SCN1A: variants seen among roughly 807,000 people sequenced by gnomAD.
The protein encoded by SCN1A is sodium channel protein type 1 subunit alpha.
Under a neutral mutation model 193.7 loss-of-function variants are expected in SCN1A, and 13 were observed. The observed-to-expected ratio is 0.07, with a 90% confidence interval of 0.04 to 0.11. SCN1A has a LOEUF of 0.11. SCN1A is among the 10% of genes least tolerant of loss of function. The pLI is 1.00. For synonymous variants in SCN1A, 781 were observed against 843.6 expected, an observed-to-expected ratio of 0.93 and a Z score of 1.29; for missense variants, 1,432 against 2,451.1, an observed-to-expected ratio of 0.58 and a Z score of 8.78.
chr2:166,047,823 G>A, intron 10 of SCN1A, 55 bp from the exon 11 acceptor site: 1 of 1,608,742 alleles, frequency 6.2e-7, no homozygotes, highest in South Asian at 1.1e-5. Context: ...TTTTTACTCT[G>A]ATACTATGCT....
intron 19 of SCN1A, among the ~76,000 whole-genome samples, chr2:166,026,679 C>CTTTCT (rs1694810077): frequency 3.1e-5 from 3 of 97,712 alleles, no homozygotes; most frequent in African/African-American, 9.1e-5. Context: ...TTCTTTCTTT[C>CTTTCT]TTTTTTTTTT....
chr2:166,062,816 C>T (rs1673027557), intron 4 of SCN1A, among the ~76,000 whole-genome samples: 1 of 151,770 alleles, frequency 6.6e-6, no homozygotes, highest in African/African-American at 2.4e-5. Flanking sequence ...TATTGGTTAG[C>T]TTATTATAGT....
At chr2:166,128,881 G>A (rs530975793), upstream of SCN1A, among the ~76,000 whole-genome samples, 1 of 152,116 alleles carries the variant, frequency 6.6e-6, no homozygotes, top group South Asian at 2.1e-4. Context: ...ATAACTCTTG[G>A]AACTGAGAGT....
chr2:166,067,932 A>G (rs1418547186), intron 4 of SCN1A, among the ~76,000 whole-genome samples: 36 of 152,168 alleles, frequency 2.4e-4, no homozygotes, highest in African/African-American at 8.7e-4. Context: ...ATTAGACTCA[A>G]TTCTAGGACA....
chr2:166,121,708 CA>C (rs905429661), intron 2 of SCN1A, among the ~76,000 whole-genome samples: 8 of 151,990 alleles, frequency 5.3e-5, no homozygotes, highest in African/African-American at 1.7e-4. Flanking sequence ...TCATCAACAA[CA>C]AAAAAATATC....
rs1057511899 is a variant in SCN1A at position 165,991,587 on chromosome 2, G to A, written c.5688C>T (p.Ser1896=). 6.2e-7 allele frequency: 1 copy of A among 1,613,696 alleles called. No homozygotes were observed. Among genetic ancestry groups the A allele is most frequent in the Non-Finnish European group, 8.5e-7 (1 of 1,179,872 alleles). ...RIQMEERFMA[S]NPSKVSYQPI... is the part of the protein sequence containing the mutation. Reference sequence around the variant, plus strand: ...GCTGATAGGAGACCTTGGAAGGATTGGAAGCCATGAATCGCTCTTCCATCT... The same window carrying A: ...GCTGATAGGAGACCTTGGAAGGATTAGAAGCCATGAATCGCTCTTCCATCT... The change falls in exon 29 of 29, where the codon TCC becomes TCT. Residue 1896 remains serine, a synonymous_variant. Coordinates refer to ENST00000674923, the MANE Select transcript of SCN1A (RefSeq NM_001165963.4).
intron 13 of SCN1A, 136 bp downstream of exon 13, chr2:166,044,907 G>T: frequency 1.1e-6 from 1 of 934,018 alleles, no homozygotes. Context: ...ACTATGTGAA[G>T]AAGGGATGGG....
chr2:166,051,063 A>G lies in SCN1A; in HGVS notation c.964+656T>C, dbSNP rs72873765. On this transcript the variant is annotated intron_variant, in intron 9 of 28. Transcript: ENST00000674923. ...TGTAGAATTCGCAAAGGGCATTCACATATTTTATCTCCTTTCATTATATCA... is the reference window on the plus strand; with the variant it reads ...TGTAGAATTCGCAAAGGGCATTCACGTATTTTATCTCCTTTCATTATATCA... Among the ~76,000 whole-genome samples, 141 of 152,138 alleles carry G rather than the reference A, an allele frequency of 9.3e-4. 2 individuals are homozygous for G. The highest frequency in any genetic ancestry group is 6.8e-3 in the Middle Eastern group (2 of 294).
At chr2:166,056,105 C>T (rs1001170958) in intron 6 of SCN1A, among the ~76,000 whole-genome samples, 26 of 151,960 alleles carry the variant, frequency 1.7e-4, no homozygotes, top group Non-Finnish European at 2.9e-5. Context: ...CAATGTCTAC[C>T]ATATTGGCTC....
chr2:166,015,104 A>G (rs1693100058), intron 20 of SCN1A, among the ~76,000 whole-genome samples: 1 of 151,860 alleles, frequency 6.6e-6, no homozygotes, highest in Non-Finnish European at 1.5e-5. Flanking sequence ...TATCTCTTCT[A>G]TCTATTGCCC....
At chr2:166,067,338 A>G (rs1003408953) in intron 4 of SCN1A, among the ~76,000 whole-genome samples, 8 of 152,198 alleles carry the variant, frequency 5.3e-5, no homozygotes, top group African/African-American at 1.9e-4. Flanking sequence ...GAAATGGCCA[A>G]GTGTTGAAAT....
chr2:166,136,935 G>C (rs1691884226), intron 1 of SCN1A, among the ~76,000 whole-genome samples: 1 of 152,180 alleles, frequency 6.6e-6, no homozygotes, highest in Admixed American at 6.5e-5. Flanking sequence ...TGCATTCAAA[G>C]CCAACGGATG....
intron 4 of SCN1A, among the ~76,000 whole-genome samples, chr2:166,061,308 C>CTTTTA (rs1247094391): frequency 6.6e-6 from 1 of 151,860 alleles, no homozygotes; most frequent in African/African-American, 2.4e-5. Context: ...ATATTTCTGC[C>CTTTTA]CTGAGTACTA....
Position 165,990,733 on chromosome 2 carries a change from C to G in SCN1A, c.*512G>C, listed in dbSNP as rs1689016452. ...GGAGGGCCATGTGGTTGCCATACCC[C>G]CCAGGTGGCATACCTGTTATAGAGG... On this transcript the variant is annotated 3_prime_UTR_variant, in exon 29 of 29. Transcript: ENST00000674923. 6.3e-6 allele frequency: 1 copy of G among 158,126 alleles called. No individual in the cohort carries two copies. The highest frequency in any genetic ancestry group is 6.0e-5 in the Admixed American group (1 of 16,632). 9.8% of individuals were successfully genotyped at this position (158,126 alleles called of 1,614,324 possible).
intron 22 of SCN1A, 122 bp from the exon 23 acceptor site, chr2:166,009,963 T>TA: frequency 4.4e-6 from 4 of 905,570 alleles, no homozygotes; most frequent in Non-Finnish European, 5.1e-6. Context: ...TTCAGACATT[T>TA]TCAGTAAACC....
Position 166,037,835 on chromosome 2 carries a change from C to T in SCN1A, c.2887G>A (p.Ala963Thr). ...IETMWDCMEV[A>T]GQAMCLTVFM... ...ACAGTAAGGCACATGGCTTGACCAG[C>T]AACCTCCATACAGTCCCACATGGTC... The change falls in exon 18 of 29, where the codon GCT (alanine) becomes ACT (threonine). Residue 963 changes from alanine to threonine, a missense_variant. Physicochemically the swap from Ala to Thr is moderately conservative, Grantham distance 58 (BLOSUM62 0). This residue lies in a region of SCN1A where 93 missense variants were observed against 260.4 expected (regional missense o/e 0.36). Coordinates refer to ENST00000674923, the MANE Select transcript of SCN1A (RefSeq NM_001165963.4). The T allele has an allele frequency of 6.2e-7, 1 of 1,614,142 alleles. No homozygotes were observed.
chr2:166,032,428 T>G (rs544392312), intron 19 of SCN1A, among the ~76,000 whole-genome samples: 1 of 152,234 alleles, frequency 6.6e-6, no homozygotes, highest in African/African-American at 2.4e-5. Flanking sequence ...CTTCATCTAT[T>G]GGGGCATCTG....
chr2:166,145,272 C>T (rs530433513), intron 1 of SCN1A, among the ~76,000 whole-genome samples: 8 of 150,722 alleles, frequency 5.3e-5, no homozygotes, highest in Middle Eastern at 6.8e-3. Context: ...CTCCTGACCT[C>T]GTGATCTGCC....
intron 20 of SCN1A, 73 bp from the exon 21 acceptor site, chr2:166,013,971 C>A: frequency 6.4e-7 from 1 of 1,554,132 alleles, no homozygotes; most frequent in Non-Finnish European, 8.8e-7. Flanking sequence ...ATGTCCTTGT[C>A]TTGTCTTTTT....
Sources: allele counts gnomAD v4.1 joint callset (sites outside exome capture counted in the v4.1 genomes callset), GRCh38; gene constraint gnomAD v4.1.1; regional missense constraint gnomAD v4.1.1; transcripts MANE v1.5; gene names NCBI Gene and HGNC (gene_info 2026-07-23, HGNC 2026-07-21).